The following TRPM1 variants were observed in gnomAD, a reference collection of about 807,000 sequenced individuals.
TRPM1 encodes transient receptor potential cation channel subfamily M member 1.
In TRPM1, 113 loss-of-function variants were observed where a neutral mutation model predicts 149.4. The ratio of observed to expected loss-of-function variants is 0.76; its 90% CI spans 0.65 to 0.88. The LOEUF is 0.88. TRPM1 is among the 40% of genes least tolerant of loss of function. TRPM1 has a pLI of 0.00. For synonymous variants in TRPM1, 741 were observed against 759.5 expected (o/e 0.98, Z 0.40); for missense variants, 1,976 against 2,038.7 (o/e 0.97, Z 0.59).
rs144717588 is a variant in TRPM1 at position 31,015,449 on chromosome 15, G to T, written c.3629+10690C>A. On this transcript the variant is annotated intron_variant, in intron 27 of 27. Coordinates refer to ENST00000256552, the MANE Select transcript of TRPM1 (RefSeq NM_001252024.2). Reference sequence around the variant, plus strand: ...AAGAAAAGAAGAGAAAAAGAAAAAAGATATATGACCTCATGTTGTACCCCA... The same window carrying T: ...AAGAAAAGAAGAGAAAAAGAAAAAATATATATGACCTCATGTTGTACCCCA... Among the ~76,000 whole-genome samples the T allele has an allele frequency of 4.0e-3, 601 of 150,762 alleles. 4 individuals carry two copies. The highest frequency in any genetic ancestry group is 0.014 in the African/African-American group (565 of 41,188).
intron 27 of TRPM1, among the ~76,000 whole-genome samples, chr15:31,022,981 C>T (rs2032599224): frequency 6.6e-6 from 1 of 152,186 alleles, no homozygotes; most frequent in East Asian, 1.9e-4. Context: ...CTGATTGTGC[C>T]ACTGCACTGG....
At chr15:31,089,635 G>A (rs1253312580) in intron 1 of TRPM1, among the ~76,000 whole-genome samples, 1 of 152,238 alleles carries the variant, frequency 6.6e-6, no homozygotes, top group African/African-American at 2.4e-5. Flanking sequence ...TAATTGATGA[G>A]ACGGGTCCAG....
At chr15:31,101,569 T>A (rs2035517511) in intron 1 of TRPM1, 88 bp downstream of exon 1, 5 of 811,264 alleles carry the variant, frequency 6.2e-6, no homozygotes, top group Non-Finnish European at 7.4e-6. Context: ...TATCTGCACC[T>A]GAGTTTGTCC....
At chr15:31,125,183 AC>A (rs1410312908) in intron 1 of TRPM1, among the ~76,000 whole-genome samples, 3 of 101,640 alleles carry the variant, frequency 3.0e-5, no homozygotes, top group Non-Finnish European at 6.1e-5. Flanking sequence ...GTCTCAAAAA[AC>A]AAAACAAAAC....
At chr15:31,008,278 A>G (rs1401084262) in intron 27 of TRPM1, among the ~76,000 whole-genome samples, 2 of 152,178 alleles carry the variant, frequency 1.3e-5, no homozygotes, top group African/African-American at 4.8e-5. Context: ...AGTTTTAGGG[A>G]GAAAGCAGTC....
chr15:31,087,248 T>TTC (rs1447270108), intron 1 of TRPM1, among the ~76,000 whole-genome samples: 1 of 131,676 alleles, frequency 7.6e-6, no homozygotes, highest in Non-Finnish European at 1.6e-5. Context: ...TTTTTTTTTT[T>TTC]TTTTTTTTTT....
At chr15:31,066,954 T>G (rs973557947) in intron 6 of TRPM1, 109 bp downstream of exon 6, 1 of 1,444,192 alleles carries the variant, frequency 6.9e-7, no homozygotes, top group African/African-American at 1.4e-5. Context: ...TGGGAAAGGC[T>G]GCAAGGGAGC....
Position 31,001,568 on chromosome 15 carries a change from G to T in TRPM1, c.*254C>A. On this transcript the variant is annotated 3_prime_UTR_variant, in exon 28 of 28. Transcript: ENST00000256552. ...AGTAATAAAGAGATTGTATAATCTT[G>T]TATACTGATTAGCCAATTTATCTTC... 7.2e-6 allele frequency: 4 copies of T among 557,680 alleles called. No homozygotes were observed. Among genetic ancestry groups the T allele is most frequent in the Non-Finnish European group, 1.3e-5 (4 of 316,352 alleles). The allele number at this position is 557,680 out of a possible 1,614,324, so 34.5% of individuals were successfully genotyped here.
rs2032078130 is a variant in TRPM1, at chr15:31,008,624, GTTTTC to G, written c.3630-5559_3630-5555del. Among the ~76,000 whole-genome samples, 2 of 152,148 alleles carry G rather than the reference GTTTTC, an allele frequency of 1.3e-5. 1 individual carries two copies. The highest frequency in any genetic ancestry group is 4.1e-4 in the South Asian group (2 of 4,832). ...TGTTCATGAGGAATATTGGTCTGTA[GTTTTC>G]TTTTTTCAATTGTCTTTGTCTGGTT... On this transcript the variant is annotated intron_variant, in intron 27 of 27. Transcript: ENST00000256552.
chr15:31,131,411 G>A (rs1440417842), intron 1 of TRPM1, among the ~76,000 whole-genome samples: 1 of 152,154 alleles, frequency 6.6e-6, no homozygotes, highest in Non-Finnish European at 1.5e-5. Flanking sequence ...CAGTAAGAAC[G>A]AATCTTCTAT....
chr15:31,030,731 T>A (rs2033029582), intron 23 of TRPM1, among the ~76,000 whole-genome samples: 1 of 152,224 alleles, frequency 6.6e-6, no homozygotes, highest in Admixed American at 6.5e-5. Context: ...ACTGCATTCA[T>A]GTGACACGAT....
Position 31,002,348 on chromosome 15 carries a change from A to G in TRPM1, c.4352T>C (p.Ile1451Thr). 1 of 1,614,200 alleles carries G rather than the reference A, an allele frequency of 6.2e-7. No homozygotes were observed. Among genetic ancestry groups the G allele is most frequent in the Non-Finnish European group, 8.5e-7 (1 of 1,180,034 alleles). The change falls in exon 28 of 28, where the codon ATC becomes ACC. Residue 1451 changes from isoleucine (I) to threonine (T), a missense_variant. Ile to Thr is a moderately conservative substitution (Grantham distance 89, BLOSUM62 -1). Transcript: ENST00000256552. The stretch of plus-strand genomic sequence containing the variant: ...GGACTTCATTGTTTTACAAGCATTG[A>G]TCGTTTCATCGGGGAAATAGCGTGT... ...KITRYFPDET[I>T]NACKTMKSRS...
intron 1 of TRPM1, among the ~76,000 whole-genome samples, chr15:31,088,712 T>G (rs777399034): frequency 6.6e-6 from 1 of 151,496 alleles, no homozygotes; most frequent in African/African-American, 2.4e-5. Flanking sequence ...GGCCGTCGTA[T>G]GAGATTGACT....
intron 23 of TRPM1, among the ~76,000 whole-genome samples, chr15:31,030,083 A>C (rs2032997016): frequency 6.6e-6 from 1 of 152,222 alleles, no homozygotes; most frequent in South Asian, 2.1e-4. Flanking sequence ...ATATGGTCAG[A>C]ATGACATTAT....
Position 31,002,850 on chromosome 15 carries a change from T to C in TRPM1, c.3850A>G (p.Ser1284Gly). Residue 1284 changes from serine (S) to glycine (G), a missense_variant, in exon 28 of 28, where the codon AGC (serine) becomes GGC (glycine). By Grantham distance (56) the Ser-to-Gly change is moderately conservative (BLOSUM62 0). Around this residue, in one of 3 missense-constraint regions of TRPM1, gnomAD observed 572 missense variants for 578.9 expected, o/e 0.99. Coordinates refer to ENST00000256552, the MANE Select transcript of TRPM1 (RefSeq NM_001252024.2). ...TAGCCATCAGCGCTATTGATGCTGCTTTGCCGGAGAAGATACGTTGCCTCA... is the reference window on the plus strand; with the variant it reads ...TAGCCATCAGCGCTATTGATGCTGCCTTGCCGGAGAAGATACGTTGCCTCA... ...ECEATYLLRQSSINSADGYSL... is the reference protein window; with the variant it reads ...ECEATYLLRQGSINSADGYSL... 6.2e-7 allele frequency: 1 copy of C among 1,614,240 alleles called. No individual in the cohort carries two copies. The highest frequency in any genetic ancestry group is 1.7e-5 in the Admixed American group (1 of 60,028).
chr15:31,039,661 AATTTTCTCCCATGTC>A (rs2033547930), intron 18 of TRPM1, among the ~76,000 whole-genome samples: 1 of 152,188 alleles, frequency 6.6e-6, no homozygotes, highest in Admixed American at 6.5e-5. Flanking sequence ...ATTTTCTTGT[AATTTTCTCCCATGTC>A]ATGAAAACAT....
intron 9 of TRPM1, among the ~76,000 whole-genome samples, chr15:31,061,734 G>C (rs2034238986): frequency 6.6e-6 from 1 of 151,508 alleles, no homozygotes; most frequent in African/African-American, 2.4e-5. Context: ...GCCCAGGCTG[G>C]AGTGCAATGG....
intron 1 of TRPM1, among the ~76,000 whole-genome samples, chr15:31,089,507 G>A (rs971973589): frequency 2.3e-4 from 35 of 152,240 alleles, no homozygotes; most frequent in African/African-American, 8.2e-4. Flanking sequence ...CACTGGGGAG[G>A]CCTGTGTGCA....
intron 27 of TRPM1, among the ~76,000 whole-genome samples, chr15:31,020,680 A>C (rs747544015): frequency 3.3e-4 from 50 of 152,126 alleles, no homozygotes; most frequent in Admixed American, 1.0e-3. Flanking sequence ...GCCCATGCCT[A>C]GTTTTTCTTT....
Sources: gnomAD v4.1 joint callset for allele counts (sites outside exome capture counted in the v4.1 genomes callset) on GRCh38, gnomAD v4.1.1 for gene constraint, gnomAD v4.1.1 regional missense constraint, MANE v1.5 for transcripts, NCBI Gene and HGNC (gene_info 2026-07-23, HGNC 2026-07-21) for gene names.